The following CCNY variants were observed in gnomAD, a reference collection of about 807,000 sequenced individuals.
CCNY encodes the protein cyclin-Y.
Under a neutral mutation model 42.8 loss-of-function variants are expected in CCNY, and 19 were observed. The ratio of observed to expected loss-of-function variants is 0.44; its 90% CI spans 0.31 to 0.65. The LOEUF is 0.65. CCNY is among the 30% of genes least tolerant of loss of function. The pLI, the probability that CCNY is intolerant of heterozygous loss-of-function variation, is 0.07. For synonymous variants in CCNY, 165 were observed against 162.7 expected, an observed-to-expected ratio of 1.01 and a Z score of -0.11; for missense variants, 370 against 437.3, an observed-to-expected ratio of 0.85 and a Z score of 1.37.
intron 2 of CCNY, among the ~76,000 whole-genome samples, chr10:35,248,644 C>T (rs1367984575): frequency 6.6e-6 from 1 of 150,926 alleles, no homozygotes; most frequent in African/African-American, 2.4e-5. Flanking sequence ...AGTGAAACTC[C>T]CTCTCAAAAA....
chr10:35,320,081 T>C (rs905219451), intron 3 of CCNY, among the ~76,000 whole-genome samples: 1 of 152,110 alleles, frequency 6.6e-6, no homozygotes, highest in Non-Finnish European at 1.5e-5. Flanking sequence ...GGAAAAATAA[T>C]AACAAACACA....
chr10:35,482,749 G>GGGGTGT (rs751774596), intron 1 of CCNY, among the ~76,000 whole-genome samples: 1 of 128,844 alleles, frequency 7.8e-6, no homozygotes, highest in South Asian at 2.8e-4. Flanking sequence ...GCTGGAAATA[G>GGGGTGT]GTGTGTGTGT....
At chr10:35,548,369 G>C (rs1156799613) in intron 7 of CCNY, among the ~76,000 whole-genome samples, 2 of 150,118 alleles carry the variant, frequency 1.3e-5, no homozygotes, top group Admixed American at 1.3e-4. Context: ...CACGATCTTG[G>C]CTCACTGCAG....
At chr10:35,440,560 T>C (rs1475126595) in intron 1 of CCNY, among the ~76,000 whole-genome samples, 1 of 152,234 alleles carries the variant, frequency 6.6e-6, no homozygotes, top group Non-Finnish European at 1.5e-5. Flanking sequence ...GCTGACTCTT[T>C]GCTAGATGTC....
intron 3 of CCNY, among the ~76,000 whole-genome samples, chr10:35,294,714 C>A (rs908307023): frequency 6.6e-6 from 1 of 152,140 alleles, no homozygotes; most frequent in Admixed American, 6.6e-5. Context: ...TTTTCTAGTG[C>A]TATTCTTGTT....
chr10:35,550,928 A>G (rs1360502027), intron 7 of CCNY, among the ~76,000 whole-genome samples: 2 of 152,032 alleles, frequency 1.3e-5, no homozygotes, highest in Non-Finnish European at 2.9e-5. Context: ...ACAGACTCTC[A>G]AACTGGCACC....
intron 3 of CCNY, among the ~76,000 whole-genome samples, chr10:35,302,182 C>T (rs548641088): frequency 2.0e-5 from 3 of 150,864 alleles, no homozygotes; most frequent in East Asian, 2.0e-4. Context: ...AGGATGGTCT[C>T]GATCTCCTGA....
intron 1 of CCNY, among the ~76,000 whole-genome samples, chr10:35,446,933 A>C (rs971794726): frequency 6.6e-6 from 1 of 152,232 alleles, no homozygotes; most frequent in African/African-American, 2.4e-5. Flanking sequence ...TTTTTAGATA[A>C]ATTGATTATA....
Position 35,516,616 on chromosome 10 carries a change from A to G in CCNY, c.358A>G (p.Ile120Val), listed in dbSNP as rs537684839. The G allele has an allele frequency of 6.4e-7, 1 of 1,572,430 alleles. No homozygotes were observed. Among genetic ancestry groups the G allele is most frequent in the African/African-American group, 1.4e-5 (1 of 72,590 alleles). The stretch of plus-strand genomic sequence containing the variant: ...CAGTCAACCAAACCTCAAGTATACA[A>G]TTAAATGGTGGGTATATGGATTTAT... ...TVSQPNLKYT[I>V]KCVALAIYYH... The change falls in exon 4 of 10, where the codon ATT (isoleucine) becomes GTT (valine). Residue 120 changes from isoleucine to valine, a missense_variant. Physicochemically the swap from Ile to Val is conservative, Grantham distance 29. Transcript: ENST00000374704.
intron 1 of CCNY, among the ~76,000 whole-genome samples, chr10:35,406,081 A>T (rs1334332810): frequency 6.6e-6 from 1 of 152,072 alleles, no homozygotes; most frequent in African/African-American, 2.4e-5. Context: ...ATACATTGCT[A>T]CTTGGCTGCC....
chr10:35,313,115 G>C (rs1168147199), intron 3 of CCNY, among the ~76,000 whole-genome samples: 1 of 152,050 alleles, frequency 6.6e-6, no homozygotes, highest in African/African-American at 2.4e-5. Flanking sequence ...TAGAGTCCAG[G>C]GATGATGATC....
At chr10:35,314,202 C>T (rs1210697979) in intron 3 of CCNY, among the ~76,000 whole-genome samples, 1 of 152,060 alleles carries the variant, frequency 6.6e-6, no homozygotes, top group Non-Finnish European at 1.5e-5. Context: ...TCTGTTCTCT[C>T]ACTGCTGATA....
intron 3 of CCNY, among the ~76,000 whole-genome samples, chr10:35,293,254 G>C (rs946939703): frequency 7.8e-4 from 119 of 152,200 alleles, no homozygotes; most frequent in Middle Eastern, 3.4e-3. Flanking sequence ...CCATTGAGTT[G>C]TCTTGACACC....
In CCNY at chr10:35,513,888, T is replaced by C. The variant is rs558250079; in HGVS notation, c.265-2635T>C. The stretch of plus-strand genomic sequence containing the variant: ...TCATGGAGCAATACATTAACAAAAA[T>C]ATTTTGAGTGACACTGAGAACTACC... On this transcript the variant is annotated intron_variant, in intron 3 of 9. Transcript: ENST00000374704. Among the ~76,000 whole-genome samples the C allele has an allele frequency of 2.6e-5, 4 of 152,128 alleles. No individual in the cohort carries two copies. The South Asian group carries it at 8.3e-4, about 32-fold the overall frequency.
intron 2 of CCNY, among the ~76,000 whole-genome samples, chr10:35,484,343 C>A (rs182267981): frequency 6.6e-6 from 1 of 152,154 alleles, no homozygotes; most frequent in Non-Finnish European, 1.5e-5. Flanking sequence ...ATTGATAACA[C>A]TTCAGTAACG....
At chr10:35,330,134 G>A (rs965350845) in intron 3 of CCNY, among the ~76,000 whole-genome samples, 2 of 152,194 alleles carry the variant, frequency 1.3e-5, no homozygotes, top group African/African-American at 2.4e-5. Context: ...TGCCTGGCTC[G>A]AGGGAGACAC....
At chr10:35,305,292 C>T (rs1220651488) in intron 3 of CCNY, among the ~76,000 whole-genome samples, 1 of 152,142 alleles carries the variant, frequency 6.6e-6, no homozygotes, top group Non-Finnish European at 1.5e-5. Flanking sequence ...CTCTAATTCC[C>T]CCCTGCTAAG....
At chr10:35,393,215 C>T (rs976748198) in intron 1 of CCNY, among the ~76,000 whole-genome samples, 6 of 152,180 alleles carry the variant, frequency 3.9e-5, no homozygotes, top group African/African-American at 4.8e-5. Flanking sequence ...TTCTTTTACA[C>T]AGATCTAGTA....
rs1839361991 is a variant in CCNY at position 35,470,176 on chromosome 10, C to T, written c.155-13228C>T. Among the ~76,000 whole-genome samples the T allele has an allele frequency of 2.2e-5, 3 of 137,884 alleles. No individual in the cohort carries two copies. The South Asian group carries it at 7.1e-4, about 32-fold the overall frequency. The allele number at this position is 137,884 out of a possible 152,430, so 90.5% of individuals were successfully genotyped here. A position where few individuals can be genotyped will look rare whatever the true frequency, so the allele number is the denominator to read the frequency against. ...AGAGACAGACAGGGAGATGGAGAGA[C>T]AGAGAGGGAAACAGAGATAGGGCAA... On this transcript the variant is annotated intron_variant, in intron 1 of 9. Transcript: ENST00000374704.
Sources: allele counts gnomAD v4.1 joint callset (sites outside exome capture counted in the v4.1 genomes callset), GRCh38; gene constraint gnomAD v4.1.1; transcripts MANE v1.5; gene names NCBI Gene and HGNC (gene_info 2026-07-23, HGNC 2026-07-21).